Variants in MAP3K15 observed in about 807,000 individuals in gnomAD.
MAP3K15 encodes mitogen-activated protein kinase kinase kinase 15, also known as MAPK/ERK kinase kinase 15.
A neutral mutation model predicts 99.5 loss-of-function variants in MAP3K15; 124 were observed. The observed-to-expected ratio is 1.25, with a 90% confidence interval of 1.08 to 1.45. The LOEUF is 1.45. Among genes scored for constraint, MAP3K15 ranks in the 40% most tolerant of loss-of-function variants. The pLI is 0.00. For synonymous variants in MAP3K15, 494 were observed against 439.6 expected (o/e 1.12, Z -1.55); for missense variants, 1,242 against 1,079.7 (o/e 1.15, Z -2.11).
At chrX:19,501,194 G>A (rs1040524379) in intron 1 of MAP3K15, among the ~76,000 whole-genome samples, 1 of 111,633 alleles carries the variant, frequency 9.0e-6, no homozygotes. Context: ...GAGCACGCCT[G>A]GCCACTCTCT....
intron 1 of MAP3K15, among the ~76,000 whole-genome samples, chrX:19,498,456 T>C (rs1022413927): frequency 8.9e-6 from 1 of 111,849 alleles, no homozygotes; most frequent in African/African-American, 3.3e-5. Flanking sequence ...AACGAGAAGA[T>C]AGAAATCCAA....
intron 11 of MAP3K15, among the ~76,000 whole-genome samples, chrX:19,410,587 C>T (rs1412086794): frequency 8.9e-6 from 1 of 111,852 alleles, no homozygotes; most frequent in African/African-American, 3.3e-5. Flanking sequence ...CCACCGCCAC[C>T]CTCTGCAACC....
chrX:19,502,091 T>C (rs1283781561), intron 1 of MAP3K15, among the ~76,000 whole-genome samples: 1 of 111,327 alleles, frequency 9.0e-6, no homozygotes, highest in African/African-American at 3.3e-5. Context: ...TTAATCACAA[T>C]TGTTTTGCCT....
At chrX:19,508,190 G>A (rs190701140) in intron 1 of MAP3K15, among the ~76,000 whole-genome samples, 203 of 110,784 alleles carry the variant, frequency 1.8e-3, no homozygotes, top group African/African-American at 5.3e-3. Flanking sequence ...TTTGTTTTTC[G>A]AAATGGAGTC....
chrX:19,498,869 C>A, intron 1 of MAP3K15, among the ~76,000 whole-genome samples: 1 of 112,179 alleles, frequency 8.9e-6, no homozygotes, highest in Non-Finnish European at 1.9e-5. Flanking sequence ...TCCTGCACAA[C>A]TGCAACCTGG....
At chrX:19,467,422 T>C (rs1442667139) in intron 3 of MAP3K15, among the ~76,000 whole-genome samples, 1 of 110,698 alleles carries the variant, frequency 9.0e-6, no homozygotes, top group Non-Finnish European at 1.9e-5. Context: ...TGACCAGGGC[T>C]CCCTTGCTCT....
At chrX:19,465,292 C>T (rs1230122391) in intron 3 of MAP3K15, among the ~76,000 whole-genome samples, 1 of 111,686 alleles carries the variant, frequency 9.0e-6, no homozygotes, top group Non-Finnish European at 1.9e-5. Flanking sequence ...CCAGGACATA[C>T]AGAAACAGGT....
At chrX:19,513,020 T>A (rs913927261) in intron 1 of MAP3K15, among the ~76,000 whole-genome samples, 2 of 111,429 alleles carry the variant, frequency 1.8e-5, no homozygotes, top group African/African-American at 6.5e-5. Flanking sequence ...ACTTACTGTG[T>A]ATGTACTTTC....
chrX:19,393,760 C>CTTTTTTTTTTTTTTTT (rs761246318), intron 16 of MAP3K15, among the ~76,000 whole-genome samples: 1 of 60,243 alleles, frequency 1.7e-5, no homozygotes, highest in African/African-American at 7.7e-5. Context: ...CTGCCTGGCT[C>CTTTTTTTTTTTTTTTT]TTTTTTTTTT....
At chrX:19,430,220 G>A (rs949709348) in intron 7 of MAP3K15, among the ~76,000 whole-genome samples, 3 of 112,046 alleles carry the variant, frequency 2.7e-5, no homozygotes, top group Non-Finnish European at 5.6e-5. Context: ...GTGAGTTCCC[G>A]AACCTAAGCC....
chrX:19,457,826 C>T (rs2064104815), intron 5 of MAP3K15, among the ~76,000 whole-genome samples: 1 of 111,158 alleles, frequency 9.0e-6, no homozygotes. Context: ...GGGAGCTGTC[C>T]TGGGCACTGT....
At chrX:19,433,778 T>A (rs1288796009) in intron 6 of MAP3K15, among the ~76,000 whole-genome samples, 1 of 112,228 alleles carries the variant, frequency 8.9e-6, no homozygotes, top group African/African-American at 3.2e-5. Context: ...ACCCAACGAT[T>A]CCACTTCTAG....
intron 18 of MAP3K15, among the ~76,000 whole-genome samples, chrX:19,385,662 C>G (rs2063489855): frequency 9.0e-6 from 1 of 111,380 alleles, no homozygotes; most frequent in South Asian, 3.8e-4. Context: ...CACTATCTAC[C>G]ATTATTCCTA....
At chrX:19,445,954 CAATAAATA>C (rs58332212) in intron 6 of MAP3K15, among the ~76,000 whole-genome samples, 2 of 103,595 alleles carry the variant, frequency 1.9e-5, no homozygotes, top group Non-Finnish European at 3.9e-5. Flanking sequence ...TCTCAAAAAT[CAATAAATA>C]AATAAATAAA....
At chrX:19,455,196 GA>G (rs1488218847) in intron 6 of MAP3K15, among the ~76,000 whole-genome samples, 3 of 110,796 alleles carry the variant, frequency 2.7e-5, no homozygotes, top group Admixed American at 9.7e-5. Context: ...AGACTAGAAG[GA>G]AAAGACCCAT....
chrX:19,378,331 A>G (rs913409272), intron 19 of MAP3K15, among the ~76,000 whole-genome samples: 1 of 112,534 alleles, frequency 8.9e-6, no homozygotes, highest in Non-Finnish European at 1.9e-5. Context: ...AGAGCTCTGC[A>G]TTAGTCTGTT....
intron 3 of MAP3K15, among the ~76,000 whole-genome samples, chrX:19,473,123 G>A (rs1236812364): frequency 2.7e-5 from 3 of 112,247 alleles, no homozygotes; most frequent in Non-Finnish European, 5.6e-5. Context: ...GAAACCAGTT[G>A]AGTGAGTTTA....
intron 11 of MAP3K15, among the ~76,000 whole-genome samples, chrX:19,412,147 C>T (rs1280980306): frequency 1.8e-5 from 2 of 112,165 alleles, no homozygotes; most frequent in Non-Finnish European, 3.8e-5. Flanking sequence ...GGAGGCTGCA[C>T]ATATACAGAA....
chrX:19,487,192 T>C (rs1245769639), intron 2 of MAP3K15, among the ~76,000 whole-genome samples: 1 of 110,556 alleles, frequency 9.0e-6, no homozygotes, highest in Non-Finnish European at 1.9e-5. Context: ...ACATGTTTTA[T>C]ATATTCTCAG....
Sources: allele counts gnomAD v4.1 joint callset (sites outside exome capture counted in the v4.1 genomes callset), GRCh38; gene constraint gnomAD v4.1.1; transcripts MANE v1.5; gene names NCBI Gene and HGNC (gene_info 2026-07-23, HGNC 2026-07-21).